Variants in SHLD2 observed in about 807,000 individuals in gnomAD.
The protein encoded by SHLD2 is shieldin complex subunit 2.
A neutral mutation model predicts 73.2 loss-of-function variants in SHLD2; 30 were observed. The ratio of observed to expected loss-of-function variants is 0.41; its 90% CI spans 0.31 to 0.56. SHLD2 has a LOEUF of 0.56. Ranked by LOEUF, SHLD2 falls within the 20% of genes least tolerant of loss-of-function variation. The pLI is 0.28. For synonymous variants in SHLD2, 285 were observed against 370.1 expected (o/e 0.77, Z 2.64); for missense variants, 745 against 1,055.9 (o/e 0.71, Z 4.08).
At chr10:87,160,751 AG>A (rs1846749392) in intron 4 of SHLD2, among the ~76,000 whole-genome samples, 1 of 152,198 alleles carries the variant, frequency 6.6e-6, no homozygotes, top group Non-Finnish European at 1.5e-5. Flanking sequence ...GCACTTTGGG[AG>A]GCCAAGGTGG....
intron 2 of SHLD2, among the ~76,000 whole-genome samples, chr10:87,144,931 G>A (rs182793387): frequency 0.067 from 8,219 of 122,396 alleles, 485 homozygotes; most frequent in African/African-American, 0.18. Context: ...CTCCCGGCCT[G>A]TAATTCTTTT....
intron 2 of SHLD2, among the ~76,000 whole-genome samples, chr10:87,137,000 T>C (rs1332406977): frequency 1.3e-5 from 2 of 152,176 alleles, no homozygotes; most frequent in Non-Finnish European, 2.9e-5. Context: ...AACAGAAAAA[T>C]TGTCGTGTCT....
intron 3 of SHLD2, 111 bp downstream of exon 3, chr10:87,152,990 A>C (rs752262898): frequency 3.4e-4 from 359 of 1,050,142 alleles, no homozygotes; most frequent in Middle Eastern, 1.9e-3. Flanking sequence ...GCCTCTTCTG[A>C]GCGCAGCATA....
intron 7 of SHLD2, among the ~76,000 whole-genome samples, chr10:87,178,584 T>C (rs866545912): frequency 6.6e-5 from 10 of 151,206 alleles, no homozygotes; most frequent in Admixed American, 6.6e-4. Flanking sequence ...GGTGTGGTGG[T>C]GTGTGCCTGT....
At chr10:87,154,526 G>T (rs902428917) in intron 3 of SHLD2, among the ~76,000 whole-genome samples, 11 of 151,820 alleles carry the variant, frequency 7.2e-5, no homozygotes, top group Admixed American at 2.0e-4. Flanking sequence ...GATTACAGGT[G>T]TAAGCCACCA....
rs570510270 is a variant in SHLD2, at chr10:87,188,608, G to C, written c.2515+1408G>C. ...GTTCCTTATGTTGCTGACACTGGCA[G>C]TTCATTGGCTTTTTGCAATTAATTT... is the stretch of plus-strand genomic sequence containing the variant. On this transcript the variant is annotated intron_variant, in intron 9 of 9. Transcript: ENST00000298786. 2.6e-4 allele frequency among the ~76,000 whole-genome samples: 40 copies of C among 152,308 alleles called. No homozygotes were observed. The South Asian group carries it at 6.4e-3, about 24-fold the overall frequency.
At chr10:87,180,741 ATGT>A (rs1433123472) in intron 8 of SHLD2, among the ~76,000 whole-genome samples, 1 of 152,206 alleles carries the variant, frequency 6.6e-6, no homozygotes, top group Non-Finnish European at 1.5e-5. Context: ...TAGCAAATAA[ATGT>A]TGTATGGTAA....
At chr10:87,104,743 C>T (rs1222461677) in intron 2 of SHLD2, among the ~76,000 whole-genome samples, 1 of 151,782 alleles carries the variant, frequency 6.6e-6, no homozygotes, top group African/African-American at 2.4e-5. Flanking sequence ...TCGCTGCAAC[C>T]TCCACTTCCC....
At position 87,152,833 on chromosome 10, in the gene SHLD2, A is replaced by G; in HGVS notation, c.1479A>G (p.Ala493=). 2 of 1,611,828 alleles carry G rather than the reference A, an allele frequency of 1.2e-6. No individual in the cohort carries two copies. The highest frequency in any genetic ancestry group is 2.3e-4 in the Middle Eastern group (1 of 4,428). The change falls in exon 3 of 10, where the codon GCA becomes GCG. Residue 493 remains alanine (A), a synonymous_variant. Transcript: ENST00000298786. ...AGGTTTTTCTGTGGAGGACTGCAGC[A>G]TTTTGGGCATTTACAGTGTTTCTTG... The part of the protein sequence containing the change: ...KKKVFLWRTA[A]FWAFTVFLGD...
intron 2 of SHLD2, among the ~76,000 whole-genome samples, chr10:87,141,704 T>C (rs1316173174): frequency 1.3e-5 from 2 of 152,100 alleles, no homozygotes; most frequent in South Asian, 2.1e-4. Context: ...ACTGCTCTGA[T>C]TGGATCATTA....
At chr10:87,106,147 G>A (rs1842580060) in intron 2 of SHLD2, among the ~76,000 whole-genome samples, 1 of 152,206 alleles carries the variant, frequency 6.6e-6, no homozygotes, top group Non-Finnish European at 1.5e-5. Context: ...GGGATTACAG[G>A]CACCTGCTAC....
At position 87,187,090 on chromosome 10, in the gene SHLD2, C is replaced by G; in HGVS notation, c.2405C>G (p.Ala802Gly). ...TGTTGTTTACTCTTTTGTAGGCCAG[C>G]GTTAATGACTGCCATTGATGGAAGA... ...FTMKKIYYRPALMTAIDGRHD... is the reference protein window; with the variant it reads ...FTMKKIYYRPGLMTAIDGRHD... The change falls in exon 9 of 10, where the codon GCG becomes GGG. Residue 802 changes from alanine (A) to glycine (G), a missense_variant. Coordinates refer to ENST00000298786, the MANE Select transcript of SHLD2 (RefSeq NM_001330112.2). 1.2e-6 allele frequency: 2 copies of G among 1,604,002 alleles called. No homozygotes were observed. The highest frequency in any genetic ancestry group is 2.2e-5 in the East Asian group (1 of 44,778).
In SHLD2 at chr10:87,190,981, C is replaced by T. The variant is rs534695786; in HGVS notation, c.*298C>T. ...TGCCCATTTGTTCACTGTATTTAGTCCCTGCTACATTCCAGGCATTGTACT... is the reference window on the plus strand; with the variant it reads ...TGCCCATTTGTTCACTGTATTTAGTTCCTGCTACATTCCAGGCATTGTACT... On this transcript the variant is annotated 3_prime_UTR_variant, in exon 10 of 10. Coordinates refer to ENST00000298786, the MANE Select transcript of SHLD2 (RefSeq NM_001330112.2). 240 of 411,498 alleles carry T rather than the reference C, an allele frequency of 5.8e-4. 2 individuals carry two copies. The highest frequency in any genetic ancestry group is 5.6e-3 in the South Asian group (231 of 41,032). 25.5% of individuals were successfully genotyped at this position (411,498 alleles called of 1,614,324 possible). A position where few individuals can be genotyped will look rare whatever the true frequency, so the allele number is the denominator to read the frequency against.
chr10:87,155,101 A>AT (rs1240628262), intron 3 of SHLD2, among the ~76,000 whole-genome samples: 1 of 151,820 alleles, frequency 6.6e-6, no homozygotes, highest in Non-Finnish European at 1.5e-5. Context: ...CGCGCGGCTA[A>AT]TTTTTTTGTA....
chr10:87,106,930 A>G (rs1442141305), intron 2 of SHLD2, among the ~76,000 whole-genome samples: 1 of 152,128 alleles, frequency 6.6e-6, no homozygotes, highest in Non-Finnish European at 1.5e-5. Flanking sequence ...TTGAAGATAC[A>G]TGGGGTGGAT....
rs775990308 is a variant in SHLD2 at position 87,170,612 on chromosome 10, C to T, written c.1768C>T (p.Leu590Phe). ...TATAGACTTTGTAGAATTGGAGCACCTTCAACCTGATGTATTAGTCCACGC... is the reference window on the plus strand; with the variant it reads ...TATAGACTTTGTAGAATTGGAGCACTTTCAACCTGATGTATTAGTCCACGC... ...NSIDFVELEH[L>F]QPDVLVHAVL... Residue 590 changes from leucine (L) to phenylalanine (F), a missense_variant, in exon 5 of 10, where the codon CTT (leucine) becomes TTT (phenylalanine). By Grantham distance (22) the Leu-to-Phe change is conservative (BLOSUM62 0). Around this residue, in one of 5 missense-constraint regions of SHLD2, gnomAD observed 418 missense variants for 567.8 expected, o/e 0.74. Transcript: ENST00000298786. 6.2e-7 allele frequency: 1 copy of T among 1,613,392 alleles called. No individual in the cohort carries two copies. The highest frequency in any genetic ancestry group is 1.7e-5 in the Admixed American group (1 of 59,912).
intron 2 of SHLD2, among the ~76,000 whole-genome samples, chr10:87,123,610 T>C (rs186468118): frequency 3.5e-4 from 53 of 152,352 alleles, no homozygotes; most frequent in Non-Finnish European, 6.5e-4. Flanking sequence ...TTCCAGAGTT[T>C]TGCTGTCACC....
intron 8 of SHLD2, among the ~76,000 whole-genome samples, chr10:87,185,058 C>T (rs1285507416): frequency 1.3e-5 from 2 of 152,164 alleles, no homozygotes. Context: ...AAGCCTCATA[C>T]TCATTAGCAG....
chr10:87,153,128 A>G (rs1490689849), intron 3 of SHLD2, among the ~76,000 whole-genome samples: 1 of 151,988 alleles, frequency 6.6e-6, no homozygotes, highest in African/African-American at 2.4e-5. Flanking sequence ...CCCTCCTTTA[A>G]TAAGCCTTCC....
Sources: allele counts gnomAD v4.1 joint callset (sites outside exome capture counted in the v4.1 genomes callset), GRCh38; gene constraint gnomAD v4.1.1; regional missense constraint gnomAD v4.1.1; transcripts MANE v1.5; gene names NCBI Gene and HGNC (gene_info 2026-07-23, HGNC 2026-07-21).